Variants in RGS6 observed in about 807,000 individuals in gnomAD.
RGS6 encodes the protein regulator of G protein signaling 6, also known as regulator of G-protein signaling 6.
In RGS6, 30 loss-of-function variants were observed where a neutral mutation model predicts 78.5. The ratio of observed to expected loss-of-function variants is 0.38; its 90% CI spans 0.29 to 0.52. The LOEUF is 0.52. Among genes scored for constraint, RGS6 ranks in the 20% least tolerant of loss-of-function variants. RGS6 has a pLI of 0.85. For synonymous variants in RGS6, 206 were observed against 206.0 expected, an observed-to-expected ratio of 1.00 and a Z score of 0.00; for missense variants, 495 against 609.7, an observed-to-expected ratio of 0.81 and a Z score of 1.98.
intron 2 of RGS6, among the ~76,000 whole-genome samples, chr14:72,202,959 G>A (rs373152259): frequency 1.7e-4 from 26 of 151,956 alleles, no homozygotes; most frequent in South Asian, 4.2e-4. Flanking sequence ...TGCAAGCTCC[G>A]CAGGAGAATG....
At chr14:72,547,263 A>G in intron 17 of RGS6, 1 of 1,535,638 alleles carries the variant, frequency 6.5e-7, no homozygotes, top group South Asian at 1.2e-5. Context: ...AGCACTGCCA[A>G]TGTCACGGTC....
chr14:72,231,294 G>A (rs553187845), intron 2 of RGS6, among the ~76,000 whole-genome samples: 47 of 149,128 alleles, frequency 3.2e-4, no homozygotes, highest in African/African-American at 1.2e-3. Context: ...TATTATCATT[G>A]TTACGATTTC....
At chr14:72,495,422 T>TC (rs1454995581) in intron 13 of RGS6, among the ~76,000 whole-genome samples, 160 bp downstream of exon 13, 2 of 152,188 alleles carry the variant, frequency 1.3e-5, no homozygotes, top group East Asian at 3.8e-4. Flanking sequence ...AGTTTCTACC[T>TC]CCTTATAGCT....
At chr14:72,238,595 T>C (rs2051833197) in intron 2 of RGS6, among the ~76,000 whole-genome samples, 1 of 152,210 alleles carries the variant, frequency 6.6e-6, no homozygotes, top group African/African-American at 2.4e-5. Context: ...TTATATCATC[T>C]TGTTTTCTCA....
intron 11 of RGS6, 70 bp from the exon 12 acceptor site, chr14:72,478,198 G>C: frequency 9.1e-7 from 1 of 1,094,856 alleles, no homozygotes; most frequent in South Asian, 1.3e-5. Context: ...TGCAGGATTT[G>C]GGTTTGTGGA....
chr14:72,617,550 T>A, the RGS6 span, among the ~76,000 whole-genome samples: 1 of 152,186 alleles, frequency 6.6e-6, no homozygotes, highest in Non-Finnish European at 1.5e-5. Context: ...GACCATTATG[T>A]ATGTGTGTGA....
chr14:72,026,691 C>G (rs933001091), intron 2 of RGS6, among the ~76,000 whole-genome samples: 1 of 152,218 alleles, frequency 6.6e-6, no homozygotes, highest in Non-Finnish European at 1.5e-5. Flanking sequence ...CCCTCTAAGC[C>G]ATCAGCCATC....
At chr14:71,889,624 C>T in the RGS6 span, among the ~76,000 whole-genome samples, 30 of 152,222 alleles carry the variant, frequency 2.0e-4, no homozygotes, top group South Asian at 1.5e-3. Flanking sequence ...GCTTGGGGCA[C>T]GCACTTTGCA....
chr14:72,269,137 C>CA (rs141050644), intron 2 of RGS6, among the ~76,000 whole-genome samples: 125,976 of 151,686 alleles, frequency 0.83, 52,497 homozygotes, highest in Non-Finnish European at 0.87. Context: ...TACCTCCGCC[C>CA]CCCCACCACC....
chr14:72,440,256 A>G (rs1380320014), intron 3 of RGS6, among the ~76,000 whole-genome samples: 1 of 152,102 alleles, frequency 6.6e-6, no homozygotes, highest in African/African-American at 2.4e-5. Flanking sequence ...AAAATAATGC[A>G]GTTTGCTCAG....
the RGS6 span, among the ~76,000 whole-genome samples, chr14:71,927,207 T>A: frequency 6.6e-6 from 1 of 152,208 alleles, no homozygotes; most frequent in Admixed American, 6.5e-5. Context: ...TTGATGTAGA[T>A]TTTATCCCAT....
At chr14:72,364,016 A>C (rs1356492630) in intron 3 of RGS6, among the ~76,000 whole-genome samples, 7 of 150,662 alleles carry the variant, frequency 4.6e-5, no homozygotes, top group Admixed American at 2.0e-4. Context: ...AAAAAAAAAA[A>C]AAAAAAAAAA....
At chr14:72,558,578 T>A (rs1035610946) in intron 17 of RGS6, among the ~76,000 whole-genome samples, 1 of 152,332 alleles carries the variant, frequency 6.6e-6, no homozygotes. Context: ...ATTCCTTTTG[T>A]GTGTTTCCTT....
intron 2 of RGS6, among the ~76,000 whole-genome samples, chr14:71,992,233 AT>A (rs2094987913): frequency 6.6e-6 from 1 of 152,140 alleles, no homozygotes; most frequent in Admixed American, 6.5e-5. Flanking sequence ...GAGTTTTGCC[AT>A]GTTGGCCAGG....
chr14:72,501,037 G>T (rs1217385662), intron 13 of RGS6, among the ~76,000 whole-genome samples: 2 of 152,114 alleles, frequency 1.3e-5, no homozygotes, highest in Non-Finnish European at 2.9e-5. Flanking sequence ...GTGGGTGAAG[G>T]TTTGTGGGAA....
chr14:72,160,512 T>C (rs1253402102), intron 2 of RGS6, among the ~76,000 whole-genome samples: 1 of 152,188 alleles, frequency 6.6e-6, no homozygotes, highest in Non-Finnish European at 1.5e-5. Context: ...TGAATTGTGT[T>C]CCCCTAAAAT....
intron 2 of RGS6, among the ~76,000 whole-genome samples, chr14:72,250,795 A>G (rs2055550638): frequency 6.6e-6 from 1 of 152,228 alleles, no homozygotes; most frequent in African/African-American, 2.4e-5. Flanking sequence ...CCTAGTCTTT[A>G]AGTGTGTGGA....
intron 2 of RGS6, among the ~76,000 whole-genome samples, chr14:72,138,350 G>A (rs139018391): frequency 2.0e-5 from 3 of 151,848 alleles, no homozygotes; most frequent in Non-Finnish European, 2.9e-5. Flanking sequence ...AGCGCATTGA[G>A]GGGGAGGGTT....
At position 72,181,342 on chromosome 14, in the gene RGS6, C is replaced by A. The variant is rs561010995; in HGVS notation, c.85-170753C>A. 2.4e-4 allele frequency among the ~76,000 whole-genome samples: 36 copies of A among 152,304 alleles called. 1 individual carries two copies. Among genetic ancestry groups the A allele is most frequent in the Non-Finnish European group, 3.5e-4 (24 of 68,028 alleles). On this transcript the variant is annotated intron_variant, in intron 2 of 17. Transcript: ENST00000553525. Reference sequence around the variant, plus strand: ...AAGACCTGATAGTTTGATTCAAGCTCTCATAATTGCTGTGCAGACAGTGTT... The same window carrying A: ...AAGACCTGATAGTTTGATTCAAGCTATCATAATTGCTGTGCAGACAGTGTT...
Sources: gnomAD v4.1 joint callset for allele counts (sites outside exome capture counted in the v4.1 genomes callset) on GRCh38, gnomAD v4.1.1 for gene constraint, MANE v1.5 for transcripts, NCBI Gene and HGNC (gene_info 2026-07-23, HGNC 2026-07-21) for gene names.